The following OTUD7A variants were observed in gnomAD, a reference collection of about 807,000 sequenced individuals.
The protein encoded by OTUD7A is OTU deubiquitinase 7A.
Under a neutral mutation model 65.7 loss-of-function variants are expected in OTUD7A, and 12 were observed. The ratio of observed to expected loss-of-function variants is 0.18; its 90% confidence interval spans 0.12 to 0.30. The LOEUF (loss-of-function observed/expected upper bound fraction) is 0.30, where lower values mean the gene tolerates loss of function less well. Among genes scored for constraint, OTUD7A ranks in the 10% least tolerant of loss-of-function variants. OTUD7A has a pLI of 1.00. For synonymous variants in OTUD7A, 641 were observed against 586.3 expected (o/e 1.09, Z -1.35); for missense variants, 1,148 against 1,304.8 (o/e 0.88, Z 1.85).
intron 1 of OTUD7A, among the ~76,000 whole-genome samples, chr15:31,710,858 AG>A (rs1339896168): frequency 1.3e-5 from 2 of 152,134 alleles, no homozygotes; most frequent in Non-Finnish European, 2.9e-5. Flanking sequence ...TGGGGCCCCC[AG>A]GCCACAAACT....
chr15:31,672,678 G>GA (rs1892510240), intron 1 of OTUD7A, among the ~76,000 whole-genome samples: 1 of 152,214 alleles, frequency 6.6e-6, no homozygotes, highest in Admixed American at 6.5e-5. Flanking sequence ...CTTTACAATG[G>GA]AACGGGGTGT....
chr15:31,634,704 G>A (rs1223022829), intron 3 of OTUD7A, among the ~76,000 whole-genome samples: 3 of 152,258 alleles, frequency 2.0e-5, no homozygotes, highest in South Asian at 2.1e-4. Flanking sequence ...CATGAGTGCC[G>A]ATGACAGCGA....
intron 1 of OTUD7A, among the ~76,000 whole-genome samples, chr15:31,844,158 C>T (rs1043005030): frequency 6.6e-6 from 1 of 152,212 alleles, no homozygotes; most frequent in African/African-American, 2.4e-5. Context: ...TGACCTCTAG[C>T]ATCCCAGGCA....
intron 1 of OTUD7A, among the ~76,000 whole-genome samples, chr15:31,668,392 T>C (rs1280191564): frequency 6.6e-6 from 1 of 152,240 alleles, no homozygotes; most frequent in African/African-American, 2.4e-5. Context: ...TTCAAAGACT[T>C]TGTCTTCGAG....
intron 1 of OTUD7A, among the ~76,000 whole-genome samples, chr15:31,814,151 G>A (rs1350671650): frequency 2.0e-5 from 3 of 152,366 alleles, no homozygotes; most frequent in Non-Finnish European, 2.9e-5. Flanking sequence ...GCCAAGGGCT[G>A]TGCTCCACAA....
chr15:31,699,425 G>T (rs1453176073), intron 1 of OTUD7A, among the ~76,000 whole-genome samples: 1 of 152,160 alleles, frequency 6.6e-6, no homozygotes, highest in Non-Finnish European at 1.5e-5. Context: ...TTCAGGGTAG[G>T]TTCTGCCTGT....
At chr15:31,518,138 G>A (rs1595576854) in intron 8 of OTUD7A, among the ~76,000 whole-genome samples, 2 of 152,208 alleles carry the variant, frequency 1.3e-5, no homozygotes, top group East Asian at 3.9e-4. Context: ...CCTCACCTAT[G>A]GGGACATAGG....
At chr15:31,625,641 G>C (rs1051743216) in intron 3 of OTUD7A, among the ~76,000 whole-genome samples, 1 of 152,116 alleles carries the variant, frequency 6.6e-6, no homozygotes, top group Non-Finnish European at 1.5e-5. Context: ...CTGGGATCCA[G>C]AGAGTTCACT....
chr15:31,807,355 G>T (rs1308863217), intron 1 of OTUD7A, among the ~76,000 whole-genome samples: 1 of 152,160 alleles, frequency 6.6e-6, no homozygotes, highest in Non-Finnish European at 1.5e-5. Flanking sequence ...CTGTGAAAGG[G>T]CTCACACAGG....
At chr15:31,640,372 AAAC>A (rs1210689645) in intron 3 of OTUD7A, among the ~76,000 whole-genome samples, 2 of 152,208 alleles carry the variant, frequency 1.3e-5, no homozygotes, top group Admixed American at 1.3e-4. Context: ...TCATGTAACC[AAAC>A]ACCACCTGTA....
intron 1 of OTUD7A, among the ~76,000 whole-genome samples, chr15:31,859,445 C>T (rs1897663349): frequency 6.6e-6 from 1 of 152,124 alleles, no homozygotes; most frequent in Non-Finnish European, 1.5e-5. Flanking sequence ...ATTTGTAAGC[C>T]AGCTATATAT....
chr15:31,661,151 A>G (rs6493854), intron 1 of OTUD7A, among the ~76,000 whole-genome samples: 53,397 of 152,188 alleles, frequency 0.35, 12,167 homozygotes, highest in African/African-American at 0.65. Flanking sequence ...CTCACTTATT[A>G]TACTTTTTCA....
At chr15:31,504,806 G>T (rs1299516482) in intron 8 of OTUD7A, among the ~76,000 whole-genome samples, 1 of 152,110 alleles carries the variant, frequency 6.6e-6, no homozygotes, top group Non-Finnish European at 1.5e-5. Flanking sequence ...CAGAATGCAG[G>T]GTGTGAATCC....
intron 8 of OTUD7A, among the ~76,000 whole-genome samples, chr15:31,508,272 C>CAGGG (rs1381607195): frequency 6.6e-6 from 1 of 151,996 alleles, no homozygotes; most frequent in Non-Finnish European, 1.5e-5. Flanking sequence ...GCTGTGTGGA[C>CAGGG]AGGGGTCTTA....
rs544154699 is a variant in OTUD7A, at chr15:31,494,664, GC to G, written c.1171+7025del. On this transcript the variant is annotated intron_variant, in intron 10 of 12. Transcript: ENST00000307050. ...GGTGAAGCTCTCAGCCCCAGAGGGT[GC>G]ACTCTGTGCACACATCAGATGTGGC... 3.7e-4 allele frequency among the ~76,000 whole-genome samples: 57 copies of G among 152,360 alleles called. 2 individuals carry two copies. In the South Asian group the frequency reaches 0.012, roughly 32 times the overall value.
chr15:31,786,870 C>T (rs186008900), intron 1 of OTUD7A, among the ~76,000 whole-genome samples: 1 of 152,158 alleles, frequency 6.6e-6, no homozygotes, highest in Admixed American at 6.5e-5. Context: ...TAACCGCCCC[C>T]CTTCATTCCA....
chr15:31,799,883 G>A (rs1458088697), intron 1 of OTUD7A, among the ~76,000 whole-genome samples: 1 of 152,128 alleles, frequency 6.6e-6, no homozygotes, highest in Non-Finnish European at 1.5e-5. Flanking sequence ...GAAGGCTGAA[G>A]ATACGGGGGA....
intron 3 of OTUD7A, among the ~76,000 whole-genome samples, chr15:31,645,055 G>A (rs1259463466): frequency 1.3e-5 from 2 of 152,144 alleles, no homozygotes; most frequent in African/African-American, 2.4e-5. Context: ...AGCTGTCTCC[G>A]CTCTCAGGCT....
chr15:31,802,103 ATGTGTGTGTG>A (rs1255794707), intron 1 of OTUD7A, among the ~76,000 whole-genome samples: 20 of 35,558 alleles, frequency 5.6e-4, no homozygotes, highest in Admixed American at 4.3e-3. Context: ...GTGTGTATAT[ATGTGTGTGTG>A]TGTGTGTGTG....
Sources: gnomAD v4.1 joint callset for allele counts (sites outside exome capture counted in the v4.1 genomes callset) on GRCh38, gnomAD v4.1.1 for gene constraint, MANE v1.5 for transcripts, NCBI Gene and HGNC (gene_info 2026-07-23, HGNC 2026-07-21) for gene names.